Variants in HPSE2 observed in about 807,000 individuals in gnomAD.
HPSE2 encodes the protein heparanase 2 (inactive).
Under a neutral mutation model 60.5 loss-of-function variants are expected in HPSE2, and 38 were observed. The observed-to-expected ratio is 0.63, with a 90% CI of 0.48 to 0.82. The LOEUF (loss-of-function observed/expected upper bound fraction) is 0.82. Ranked by LOEUF, HPSE2 falls within the 40% of genes least tolerant of loss-of-function variation. The pLI, the probability that HPSE2 is intolerant of heterozygous loss-of-function variation, is 0.00. For missense variants in HPSE2, 713 were observed against 740.4 expected (o/e 0.96, Z 0.43); for synonymous variants, 295 against 293.2 (o/e 1.01, Z -0.06).
intron 3 of HPSE2, among the ~76,000 whole-genome samples, chr10:98,966,167 A>G (rs1955810213): frequency 6.6e-6 from 1 of 152,222 alleles, no homozygotes; most frequent in South Asian, 2.1e-4. Context: ...CTGGGCTTAC[A>G]GGCGTGAGCC....
At chr10:98,890,915 T>A (rs570401669) in intron 3 of HPSE2, among the ~76,000 whole-genome samples, 2 of 152,328 alleles carry the variant, frequency 1.3e-5, no homozygotes, top group South Asian at 2.1e-4. Context: ...AACTCTTAAC[T>A]AATAAAAATA....
chr10:98,853,980 A>G (rs1183622857), intron 3 of HPSE2, among the ~76,000 whole-genome samples: 1 of 152,206 alleles, frequency 6.6e-6, no homozygotes, highest in Non-Finnish European at 1.5e-5. Context: ...GATCAGAAGT[A>G]CCAAGAAAAT....
intron 9 of HPSE2, among the ~76,000 whole-genome samples, chr10:98,563,905 C>A (rs1231137886): frequency 6.6e-6 from 1 of 152,116 alleles, no homozygotes; most frequent in Non-Finnish European, 1.5e-5. Context: ...CTTGCTTCTG[C>A]CCCTGGCATA....
At chr10:98,600,899 A>ACG (rs1565002843) in intron 9 of HPSE2, among the ~76,000 whole-genome samples, 6 of 116,562 alleles carry the variant, frequency 5.1e-5, no homozygotes, top group East Asian at 5.0e-4. Flanking sequence ...ATACGTATAT[A>ACG]TATGTGTGTG....
intron 3 of HPSE2, among the ~76,000 whole-genome samples, chr10:99,100,325 A>G (rs1475049287): frequency 6.6e-6 from 1 of 152,224 alleles, no homozygotes; most frequent in African/African-American, 2.4e-5. Context: ...AAACCATGGC[A>G]CAAGAACTAC....
At chr10:99,124,539 G>A (rs1845089980) in intron 3 of HPSE2, among the ~76,000 whole-genome samples, 1 of 152,200 alleles carries the variant, frequency 6.6e-6, no homozygotes, top group East Asian at 1.9e-4. Context: ...GCTCCCTCCT[G>A]TGTTTGTTGG....
intron 3 of HPSE2, among the ~76,000 whole-genome samples, chr10:98,766,054 G>A (rs1950113054): frequency 6.6e-6 from 1 of 151,978 alleles, no homozygotes; most frequent in Non-Finnish European, 1.5e-5. Flanking sequence ...AAAACGAGCT[G>A]AGAGACATAC....
At chr10:99,003,223 T>C (rs1320753587) in intron 3 of HPSE2, among the ~76,000 whole-genome samples, 2 of 152,144 alleles carry the variant, frequency 1.3e-5, no homozygotes, top group East Asian at 1.9e-4. Flanking sequence ...ATTGTGTGTA[T>C]ATACCACATT....
At chr10:98,968,183 A>C (rs4579870) in intron 3 of HPSE2, among the ~76,000 whole-genome samples, 115,922 of 152,042 alleles carry the variant, frequency 0.76, 44,588 homozygotes, top group East Asian at 0.86. Flanking sequence ...AATTTAAATT[A>C]TTTTAAAAAC....
chr10:99,175,855 C>T (rs189734592), intron 2 of HPSE2, among the ~76,000 whole-genome samples: 1 of 152,320 alleles, frequency 6.6e-6, no homozygotes, highest in African/African-American at 2.4e-5. Context: ...GGTCAACAGA[C>T]ACCTCATACA....
intron 3 of HPSE2, among the ~76,000 whole-genome samples, chr10:98,903,538 G>A (rs1040082562): frequency 6.6e-6 from 1 of 151,952 alleles, no homozygotes; most frequent in African/African-American, 2.4e-5. Flanking sequence ...ATCAAGAAGC[G>A]GTCTCACTCT....
At chr10:98,870,465 A>ACC (rs894552663) in intron 3 of HPSE2, among the ~76,000 whole-genome samples, 28 of 151,964 alleles carry the variant, frequency 1.8e-4, no homozygotes, top group South Asian at 2.1e-4. Context: ...GGTAGAGCTG[A>ACC]CAACTCTGTG....
At chr10:99,041,675 G>A (rs1373641677) in intron 3 of HPSE2, among the ~76,000 whole-genome samples, 1 of 152,150 alleles carries the variant, frequency 6.6e-6, no homozygotes, top group Non-Finnish European at 1.5e-5. Flanking sequence ...GCTGAGGAGT[G>A]CACGGATTGC....
chr10:98,480,585 G>T (rs1472498706), intron 11 of HPSE2, among the ~76,000 whole-genome samples: 2 of 152,278 alleles, frequency 1.3e-5, no homozygotes, highest in East Asian at 1.9e-4. Context: ...ACGTAGGGGT[G>T]GGGTAAATAG....
intron 2 of HPSE2, among the ~76,000 whole-genome samples, chr10:99,184,817 T>TAGAGAGAG (rs1554912270): frequency 1.2e-4 from 2 of 17,196 alleles, no homozygotes; most frequent in African/African-American, 2.6e-4. Context: ...TATATATATA[T>TAGAGAGAG]ATAGAGAGAG....
In HPSE2 at chr10:98,925,364, C is replaced by CTTTTT. The variant is rs111785284; in HGVS notation, c.611-181313_611-181309dup. On this transcript the variant is annotated intron_variant, in intron 3 of 11. Transcript: ENST00000370552. ...TATTTAAACCTTTTATTTTAATTGG[C>CTTTTT]TTTTTTTTTTTTGACACTGCTCTGG... 6.1e-5 allele frequency among the ~76,000 whole-genome samples: 9 copies of CTTTTT among 147,466 alleles called. 1 individual carries two copies. The highest frequency in any genetic ancestry group is 2.0e-4 in the African/African-American group (8 of 40,086).
intron 9 of HPSE2, among the ~76,000 whole-genome samples, chr10:98,608,308 C>A (rs751632136): frequency 1.3e-5 from 2 of 152,194 alleles, no homozygotes; most frequent in Non-Finnish European, 2.9e-5. Flanking sequence ...TGAGCTTGCA[C>A]CTTCTGATTT....
At chr10:98,757,174 CAT>C (rs1297669624) in intron 3 of HPSE2, among the ~76,000 whole-genome samples, 2 of 152,080 alleles carry the variant, frequency 1.3e-5, no homozygotes, top group African/African-American at 4.8e-5. Flanking sequence ...ATCAAAGAAA[CAT>C]ATCTCAAAAT....
intron 3 of HPSE2, among the ~76,000 whole-genome samples, chr10:98,773,585 A>G (rs1950283838): frequency 6.6e-6 from 1 of 152,206 alleles, no homozygotes; most frequent in Admixed American, 6.5e-5. Context: ...AAAAACGTAT[A>G]TATGCTTTGA....
Sources: gnomAD v4.1 joint callset for allele counts (sites outside exome capture counted in the v4.1 genomes callset) on GRCh38, gnomAD v4.1.1 for gene constraint, MANE v1.5 for transcripts, NCBI Gene and HGNC (gene_info 2026-07-23, HGNC 2026-07-21) for gene names.